PRRC1: variants seen among roughly 807,000 people sequenced by gnomAD.
PRRC1 encodes the protein proline rich coiled-coil 1.
Under a neutral mutation model 40.7 loss-of-function variants are expected in PRRC1, and 39 were observed. That is an observed-to-expected ratio of 0.96 (90% confidence interval 0.74 to 1.25). PRRC1 has a LOEUF of 1.25. PRRC1 is among the 50% of genes most tolerant of loss of function. The pLI is 0.00. For missense variants in PRRC1, 573 were observed against 548.3 expected, an observed-to-expected ratio of 1.05 and a Z score of -0.45; for synonymous variants, 175 against 193.3, an observed-to-expected ratio of 0.91 and a Z score of 0.79.
chr5:127,533,947 G>C, intron 6 of PRRC1, 161 bp downstream of exon 6: 2 of 750,180 alleles, frequency 2.7e-6, no homozygotes, highest in South Asian at 3.0e-5. Flanking sequence ...TGAAGATATA[G>C]TGGAGTTTTA....
At chr5:127,547,196 A>G (rs1768251089) in intron 7 of PRRC1, among the ~76,000 whole-genome samples, 1 of 152,128 alleles carries the variant, frequency 6.6e-6, no homozygotes, top group South Asian at 2.1e-4. Context: ...GTTGTTTTCA[A>G]TAAAGTCATT....
intron 1 of PRRC1, among the ~76,000 whole-genome samples, chr5:127,520,167 C>A (rs1580925475): frequency 6.6e-6 from 1 of 152,230 alleles, no homozygotes; most frequent in African/African-American, 2.4e-5. Flanking sequence ...CTAACCTCTT[C>A]ATGCTATATG....
At chr5:127,545,686 G>A (rs1768197071) in intron 7 of PRRC1, among the ~76,000 whole-genome samples, 1 of 150,414 alleles carries the variant, frequency 6.6e-6, no homozygotes, top group East Asian at 2.0e-4. Flanking sequence ...GCTAAATGAT[G>A]AATTAATGGG....
At chr5:127,546,037 G>C (rs913690480) in intron 7 of PRRC1, among the ~76,000 whole-genome samples, 17 of 151,926 alleles carry the variant, frequency 1.1e-4, no homozygotes, top group Admixed American at 4.6e-4. Context: ...CTTGCTTCTG[G>C]CCCATTTCTC....
chr5:127,519,939 A>G (rs1336519335), intron 1 of PRRC1, among the ~76,000 whole-genome samples: 2 of 152,116 alleles, frequency 1.3e-5, no homozygotes, highest in African/African-American at 4.8e-5. Context: ...TGGCACCACC[A>G]TCTATCTAGT....
At position 127,552,281 on chromosome 5, in the gene PRRC1, A is replaced by G. The variant is rs1269493169; in HGVS notation, c.*365A>G. On this transcript the variant is annotated 3_prime_UTR_variant, in exon 9 of 9. Coordinates refer to ENST00000296666, the MANE Select transcript of PRRC1 (RefSeq NM_130809.5). The stretch of plus-strand genomic sequence containing the variant: ...TTTAAAGAAGACATTATTAAAGAAC[A>G]TGTTGGTTGAATGTTTATAAAAGCA... The G allele has an allele frequency of 9.6e-7, 1 of 1,045,126 alleles. No individual in the cohort carries two copies. The allele number at this position is 1,045,126 out of a possible 1,614,324, so 64.7% of individuals were successfully genotyped here. A position where few individuals can be genotyped will look rare whatever the true frequency, so the allele number is the denominator to read the frequency against.
chr5:127,540,651 T>A (rs1257579672), intron 7 of PRRC1, among the ~76,000 whole-genome samples: 3 of 152,144 alleles, frequency 2.0e-5, no homozygotes, highest in East Asian at 3.9e-4. Flanking sequence ...AGGTTGGCAG[T>A]TTCTTTTCTT....
In PRRC1 at chr5:127,547,955, C is replaced by T. The variant is rs867295894; in HGVS notation, c.1128+34C>T. ...TCTCCTTTGCTTTTTCATTATGCTC[C>T]AGAGAAACTTACACTATTGTTTTCA... On this transcript the variant is annotated intron_variant, in intron 8 of 8. Coordinates refer to ENST00000296666, the MANE Select transcript of PRRC1 (RefSeq NM_130809.5). The T allele has an allele frequency of 4.6e-6, 6 of 1,299,478 alleles. No homozygotes were observed. The African/African-American group carries it at 7.2e-5, about 16-fold the overall frequency. The allele number at this position is 1,299,478 out of a possible 1,614,324, so 80.5% of individuals were successfully genotyped here. A position where few individuals can be genotyped will look rare whatever the true frequency, so the allele number is the denominator to read the frequency against.
intron 7 of PRRC1, among the ~76,000 whole-genome samples, chr5:127,542,204 T>A (rs898583210): frequency 6.6e-6 from 1 of 152,256 alleles, no homozygotes. Flanking sequence ...TTCTTAATCC[T>A]GAGTTCTAGT....
chr5:127,532,582 A>C (rs1420331805), intron 5 of PRRC1, among the ~76,000 whole-genome samples: 1 of 152,130 alleles, frequency 6.6e-6, no homozygotes, highest in African/African-American at 2.4e-5. Flanking sequence ...GATGTGTCCC[A>C]TGTGGAGGAA....
chr5:127,549,707 T>C (rs961104386), intron 8 of PRRC1: 2 of 152,218 alleles, frequency 1.3e-5, no homozygotes, highest in African/African-American at 4.8e-5. Flanking sequence ...AAATCTGGCC[T>C]GTCATCTTTT....
Position 127,540,269 on chromosome 5 carries a change from C to T in PRRC1, c.1025+1126C>T, listed in dbSNP as rs138384033. Among the ~76,000 whole-genome samples the T allele has an allele frequency of 9.2e-5, 14 of 152,100 alleles. No individual in the cohort carries two copies. The East Asian group carries it at 2.7e-3, about 29-fold the overall frequency. On this transcript the variant is annotated intron_variant, in intron 7 of 8. Transcript: ENST00000296666. ...CTGTTACTGTTCATTTAATAATTAA[C>T]ATTAGAAATTACAATATGCCTTTTT...
At chr5:127,529,231 TTATTA>T (rs1407094694) in intron 4 of PRRC1, among the ~76,000 whole-genome samples, 3 of 151,588 alleles carry the variant, frequency 2.0e-5, no homozygotes, top group Admixed American at 2.0e-4. Context: ...TTATAATTTA[TTATTA>T]TATTAAAGAT....
At chr5:127,531,617 C>CTTCTTTTTTTTTT (rs1268819647) in intron 5 of PRRC1, among the ~76,000 whole-genome samples, 5 of 99,648 alleles carry the variant, frequency 5.0e-5, no homozygotes, top group African/African-American at 2.3e-4. Flanking sequence ...TCTTCTTCTT[C>CTTCTTTTTTTTTT]TTTTTTTTTT....
chr5:127,532,486 A>G (rs948331388), intron 5 of PRRC1, among the ~76,000 whole-genome samples: 3 of 152,230 alleles, frequency 2.0e-5, no homozygotes, highest in Non-Finnish European at 4.4e-5. Flanking sequence ...CTCAAAAAGT[A>G]TTAGAAATGG....
intron 7 of PRRC1, among the ~76,000 whole-genome samples, chr5:127,542,529 C>T (rs1217153892): frequency 6.6e-6 from 1 of 151,222 alleles, no homozygotes; most frequent in Non-Finnish European, 1.5e-5. Flanking sequence ...GTAGGTCACT[C>T]AGGACTTGCT....
In PRRC1 at chr5:127,530,303, G is replaced by A; in HGVS notation, c.664G>A (p.Gly222Arg). 1 of 1,613,486 alleles carries A rather than the reference G, an allele frequency of 6.2e-7. No homozygotes were observed. Among genetic ancestry groups the A allele is most frequent in the Non-Finnish European group, 8.5e-7 (1 of 1,179,518 alleles). Residue 222 changes from glycine to arginine, a missense_variant, in exon 5 of 9, where the codon GGG becomes AGG. Physicochemically the swap from Gly to Arg is moderately radical, Grantham distance 125 (BLOSUM62 -2). Coordinates refer to ENST00000296666, the MANE Select transcript of PRRC1 (RefSeq NM_130809.5). ...GIWGFIKGVA[G>R]NPMVKSVLDK... ...GATTTGTTTTATGCAGGGTGTGGCT[G>A]GGAATCCTATGGTGAAGTCTGTGCT... is the stretch of plus-strand genomic sequence containing the variant.
At chr5:127,532,682 T>G (rs533924496) in intron 5 of PRRC1, among the ~76,000 whole-genome samples, 2 of 152,332 alleles carry the variant, frequency 1.3e-5, no homozygotes. Context: ...TGAGACATTA[T>G]GTCAGTCAGG....
At position 127,533,938 on chromosome 5, in the gene PRRC1, G is replaced by A. The variant is rs1767836757; in HGVS notation, c.921+152G>A. The A allele has an allele frequency of 5.1e-6, 4 of 781,604 alleles. No individual in the cohort carries two copies. In the Admixed American group the frequency reaches 8.2e-5, roughly 16 times the overall value. 48.4% of individuals were successfully genotyped at this position (781,604 alleles called of 1,614,324 possible). ...TTAGTAGACAGCCCTATCGTATTAT[G>A]AAGATATAGTGGAGTTTTAATTTAA... On this transcript the variant is annotated intron_variant, in intron 6 of 8. Coordinates refer to ENST00000296666, the MANE Select transcript of PRRC1 (RefSeq NM_130809.5).
Sources: gnomAD v4.1 joint callset for allele counts (sites outside exome capture counted in the v4.1 genomes callset) on GRCh38, gnomAD v4.1.1 for gene constraint, MANE v1.5 for transcripts, NCBI Gene and HGNC (gene_info 2026-07-23, HGNC 2026-07-21) for gene names.